The following SESN3 variants were observed in gnomAD, a reference collection of about 807,000 sequenced individuals.
SESN3 encodes sestrin 3.
In SESN3, 21 loss-of-function variants were observed where a neutral mutation model predicts 55.3. The observed-to-expected ratio is 0.38, with a 90% CI of 0.27 to 0.55. SESN3 has a LOEUF of 0.55. SESN3 is among the 20% of genes least tolerant of loss of function. The pLI, the probability that SESN3 is intolerant of heterozygous loss-of-function variation, is 0.76. For synonymous variants in SESN3, 181 were observed against 203.1 expected (o/e 0.89, Z 0.93); for missense variants, 408 against 604.3 (o/e 0.68, Z 3.41).
intron 1 of SESN3, among the ~76,000 whole-genome samples, chr11:95,197,867 T>G (rs905392668): frequency 1.3e-5 from 2 of 152,140 alleles, no homozygotes; most frequent in Non-Finnish European, 2.9e-5. Context: ...TCTAGAGAAC[T>G]CGCTAGCTCT....
intron 1 of SESN3, among the ~76,000 whole-genome samples, chr11:95,220,514 T>C (rs1199645168): frequency 1.3e-5 from 2 of 152,160 alleles, no homozygotes; most frequent in African/African-American, 4.8e-5. Flanking sequence ...GAGATAACTA[T>C]ATAGGATAAA....
rs1455046996 is a variant in SESN3, at chr11:95,167,834, G to A, written c.*5421C>T. The A allele has an allele frequency of 6.6e-6, 1 of 152,212 alleles. No individual in the cohort carries two copies. The highest frequency in any genetic ancestry group is 2.4e-5 in the African/African-American group (1 of 41,448). The allele number at this position is 152,212 out of a possible 1,614,324, so 9.4% of individuals were successfully genotyped here. A position where few individuals can be genotyped will look rare whatever the true frequency, so the allele number is the denominator to read the frequency against. The stretch of plus-strand genomic sequence containing the variant: ...TTATGAACAACCTCAAGTGCACCTA[G>A]CTGGAGAGAAGAACTATTACATCTT... On this transcript the variant is annotated 3_prime_UTR_variant, in exon 10 of 10. Transcript: ENST00000536441.
chr11:95,183,856 C>T (rs995158569), intron 6 of SESN3, among the ~76,000 whole-genome samples: 5 of 151,986 alleles, frequency 3.3e-5, no homozygotes, highest in African/African-American at 1.2e-4. Flanking sequence ...AAACTGTTTT[C>T]AAGACTACAG....
intron 1 of SESN3, among the ~76,000 whole-genome samples, chr11:95,228,026 C>A (rs1391467148): frequency 6.6e-6 from 1 of 152,114 alleles, no homozygotes; most frequent in Non-Finnish European, 1.5e-5. Context: ...ATATGGTTTA[C>A]CTCTCCATTC....
In SESN3 at chr11:95,208,675, C is replaced by T. The variant is rs894918075; in HGVS notation, c.79-15153G>A. Among the ~76,000 whole-genome samples, 2 of 151,468 alleles carry T rather than the reference C, an allele frequency of 1.3e-5. 1 individual carries two copies. The highest frequency in any genetic ancestry group is 2.9e-5 in the Non-Finnish European group (2 of 67,820). ...TGCTACCTGGCTTCAAACTATACTA[C>T]AAGGCTACAGTAACAAAAACAGCAT... On this transcript the variant is annotated intron_variant, in intron 1 of 9. Transcript: ENST00000536441.
rs1193828185 is a variant in SESN3 at position 95,172,317 on chromosome 11, G to A, written c.*938C>T. On this transcript the variant is annotated 3_prime_UTR_variant, in exon 10 of 10. Transcript: ENST00000536441. ...GCATATTAACCTTCCTTTGCTTAAC[G>A]AAATATAGAAAAAAACTATGAGAAA... is the stretch of plus-strand genomic sequence containing the variant. 4 of 151,988 alleles carry A rather than the reference G, an allele frequency of 2.6e-5. No individual in the cohort carries two copies. Among genetic ancestry groups the A allele is most frequent in the Admixed American group, 6.6e-5 (1 of 15,262 alleles). The allele number at this position is 151,988 out of a possible 1,614,324, so 9.4% of individuals were successfully genotyped here. A position where few individuals can be genotyped will look rare whatever the true frequency, so the allele number is the denominator to read the frequency against.
chr11:95,217,745 T>C (rs1220857317), intron 1 of SESN3, among the ~76,000 whole-genome samples: 3 of 152,084 alleles, frequency 2.0e-5, no homozygotes, highest in African/African-American at 2.4e-5. Flanking sequence ...GCACTAGTTA[T>C]GTCATGGCTT....
chr11:95,182,749 T>G (rs1860080239), intron 6 of SESN3, among the ~76,000 whole-genome samples: 1 of 152,188 alleles, frequency 6.6e-6, no homozygotes, highest in Admixed American at 6.5e-5. Context: ...GGACTCTACC[T>G]ACCTAACCAG....
rs1038727883 is a variant in SESN3, at chr11:95,171,986, G to A, written c.*1269C>T. On this transcript the variant is annotated 3_prime_UTR_variant, in exon 10 of 10. Coordinates refer to ENST00000536441, the MANE Select transcript of SESN3 (RefSeq NM_144665.4). ...TCCAAGGAGATTTTTCTGGGGAAGG[G>A]AATGCTTTGGCATTATGAAAGGAAC... The A allele has an allele frequency of 7.2e-5, 11 of 152,214 alleles. No homozygotes were observed. The highest frequency in any genetic ancestry group is 2.4e-4 in the African/African-American group (10 of 41,540). The allele number at this position is 152,214 out of a possible 1,614,324, so 9.4% of individuals were successfully genotyped here. A position where few individuals can be genotyped will look rare whatever the true frequency, so the allele number is the denominator to read the frequency against.
chr11:95,226,168 C>T (rs547197979), intron 1 of SESN3, among the ~76,000 whole-genome samples: 3 of 152,100 alleles, frequency 2.0e-5, no homozygotes, highest in East Asian at 3.9e-4. Flanking sequence ...TCCCATAAGA[C>T]GGAAAGAACT....
chr11:95,180,796 C>T (rs1860045379), intron 6 of SESN3, among the ~76,000 whole-genome samples: 1 of 151,946 alleles, frequency 6.6e-6, no homozygotes, highest in South Asian at 2.1e-4. Flanking sequence ...CAGGCTTATC[C>T]CCAGCCCAAT....
At chr11:95,202,890 C>T (rs1860484507) in intron 1 of SESN3, among the ~76,000 whole-genome samples, 2 of 151,956 alleles carry the variant, frequency 1.3e-5, no homozygotes, top group South Asian at 2.1e-4. Context: ...TAAAACTTCA[C>T]CTTGAATTTT....
chr11:95,192,790 T>C (rs920817578), intron 2 of SESN3, among the ~76,000 whole-genome samples: 8 of 152,130 alleles, frequency 5.3e-5, no homozygotes, highest in Non-Finnish European at 1.2e-4. Flanking sequence ...CCCCACCATT[T>C]TGTCAACTAC....
At chr11:95,199,490 T>A (rs1050032557) in intron 1 of SESN3, among the ~76,000 whole-genome samples, 31 of 152,164 alleles carry the variant, frequency 2.0e-4, no homozygotes, top group African/African-American at 7.0e-4. Flanking sequence ...TTTTGACACT[T>A]AACAGCTAAG....
intron 1 of SESN3, among the ~76,000 whole-genome samples, chr11:95,216,520 A>T (rs913795420): frequency 1.2e-4 from 18 of 152,230 alleles, no homozygotes; most frequent in Non-Finnish European, 2.2e-4. Flanking sequence ...CAGCACATTG[A>T]TGGCAACATT....
intron 9 of SESN3, 135 bp downstream of exon 9, chr11:95,175,363 C>A (rs186074001): frequency 4.0e-6 from 3 of 747,020 alleles, no homozygotes; most frequent in Non-Finnish European, 6.2e-6. Flanking sequence ...CAAAAAAACC[C>A]CAGATAGCTA....
At position 95,209,846 on chromosome 11, in the gene SESN3, G is replaced by A. The variant is rs55914231; in HGVS notation, c.79-16324C>T. 6.8e-3 allele frequency among the ~76,000 whole-genome samples: 1,020 copies of A among 150,076 alleles called. 40 individuals are homozygous for A. The highest frequency in any genetic ancestry group is 0.06 in the East Asian group (307 of 5,142). ...AGCCTGGCTAACATGGCGAAACCCC[G>A]TCTCTACTAAAAATACAAAAATCAG... On this transcript the variant is annotated intron_variant, in intron 1 of 9. Coordinates refer to ENST00000536441, the MANE Select transcript of SESN3 (RefSeq NM_144665.4).
intron 1 of SESN3, among the ~76,000 whole-genome samples, chr11:95,218,695 G>A (rs1206237618): frequency 1.4e-5 from 2 of 142,042 alleles, no homozygotes; most frequent in African/African-American, 5.4e-5. Context: ...CTGTCGCCCA[G>A]GCTGGAGTGC....
chr11:95,220,301 A>G (rs961882163), intron 1 of SESN3, among the ~76,000 whole-genome samples: 9 of 152,218 alleles, frequency 5.9e-5, no homozygotes, highest in African/African-American at 1.9e-4. Context: ...TAGAGGTCCA[A>G]TTCGCGAGAC....
Sources: allele counts gnomAD v4.1 joint callset (sites outside exome capture counted in the v4.1 genomes callset), GRCh38; gene constraint gnomAD v4.1.1; transcripts MANE v1.5; gene names NCBI Gene and HGNC (gene_info 2026-07-23, HGNC 2026-07-21).